ADGRL3: variants seen among roughly 807,000 people sequenced by gnomAD.
ADGRL3 encodes adhesion G protein-coupled receptor L3, also known as calcium-independent alpha-latrotoxin receptor 3.
In ADGRL3, 62 loss-of-function variants were observed where a neutral mutation model predicts 153.5. The ratio of observed to expected loss-of-function variants is 0.40; its 90% CI spans 0.33 to 0.50. ADGRL3 has a LOEUF of 0.50. ADGRL3 is among the 20% of genes least tolerant of loss of function. The probability of loss-of-function intolerance (pLI) is 0.47; values close to 1 mark genes in which losing one functional copy is unlikely to be tolerated. For synonymous variants in ADGRL3, 710 were observed against 672.5 expected (o/e 1.06, Z -0.86); for missense variants, 1,641 against 1,859.4 (o/e 0.88, Z 2.16).
intron 8 of ADGRL3, among the ~76,000 whole-genome samples, chr4:61,738,972 A>T (rs1340852055): frequency 3.3e-5 from 5 of 152,182 alleles, no homozygotes; most frequent in African/African-American, 1.2e-4. Flanking sequence ...TTTCTCTAAA[A>T]ACATTACTTT....
At chr4:61,527,700 A>G (rs2098577573) in intron 4 of ADGRL3, among the ~76,000 whole-genome samples, 1 of 152,180 alleles carries the variant, frequency 6.6e-6, no homozygotes, top group African/African-American at 2.4e-5. Flanking sequence ...TGAAAATTTC[A>G]AGTCTTGCTT....
At chr4:61,746,330 T>A (rs1356505094) in intron 8 of ADGRL3, among the ~76,000 whole-genome samples, 1 of 151,374 alleles carries the variant, frequency 6.6e-6, no homozygotes, top group East Asian at 1.9e-4. Context: ...TACCCAGGAA[T>A]TGAAGTCAGC....
intron 2 of ADGRL3, among the ~76,000 whole-genome samples, chr4:61,422,110 T>C (rs1005498392): frequency 1.3e-5 from 2 of 152,132 alleles, no homozygotes; most frequent in Non-Finnish European, 2.9e-5. Flanking sequence ...CCCAACAAAG[T>C]GAGAGACTGC....
rs780834415 is a variant in ADGRL3, at chr4:62,063,593, G to C, written c.3815-4573G>C. 3 of 698,266 alleles carry C rather than the reference G, an allele frequency of 4.3e-6. No individual in the cohort carries two copies. In the Admixed American group the frequency reaches 6.0e-5, roughly 14 times the overall value. 43.3% of individuals were successfully genotyped at this position (698,266 alleles called of 1,614,324 possible). A position where few individuals can be genotyped will look rare whatever the true frequency, so the allele number is the denominator to read the frequency against. ...ATAATACATTGCTTGGGGAACCGGCGGTCTGTAACAACCCTTCTGTCAGCA... is the reference window on the plus strand; with the variant it reads ...ATAATACATTGCTTGGGGAACCGGCCGTCTGTAACAACCCTTCTGTCAGCA... On this transcript the variant is annotated intron_variant, in intron 25 of 26. Coordinates refer to ENST00000683033, the MANE Select transcript of ADGRL3 (RefSeq NM_001387552.1).
intron 3 of ADGRL3, among the ~76,000 whole-genome samples, chr4:61,497,989 C>G (rs1318466022): frequency 6.6e-6 from 1 of 152,050 alleles, no homozygotes; most frequent in Non-Finnish European, 1.5e-5. Flanking sequence ...TTAATTATCT[C>G]ATTTATTGTG....
At chr4:61,629,366 C>G (rs2093016698) in intron 5 of ADGRL3, among the ~76,000 whole-genome samples, 1 of 151,822 alleles carries the variant, frequency 6.6e-6, no homozygotes, top group Admixed American at 6.6e-5. Context: ...CTTGTTTATT[C>G]AGGGCCATCA....
In ADGRL3 at chr4:61,556,880, T is replaced by A. The variant is rs76988746; in HGVS notation, c.260-30347T>A. The stretch of plus-strand genomic sequence containing the variant: ...GTGTGTTAACACAGGCCCTTCTTTT[T>A]AAAAGAAGATTAGACTCTGAATTTT... On this transcript the variant is annotated intron_variant, in intron 4 of 26. Transcript: ENST00000683033. Among the ~76,000 whole-genome samples the A allele has an allele frequency of 0.014, 2,147 of 152,240 alleles. 114 individuals are homozygous for A. The East Asian group carries it at 0.17, about 12-fold the overall frequency.
chr4:61,735,079 T>A (rs1337234732), intron 8 of ADGRL3, among the ~76,000 whole-genome samples: 2 of 151,912 alleles, frequency 1.3e-5, no homozygotes, highest in African/African-American at 4.9e-5. Context: ...AGATTCTAAG[T>A]TTTTTATGGC....
At chr4:61,600,775 C>T (rs542219762) in intron 5 of ADGRL3, among the ~76,000 whole-genome samples, 1 of 152,066 alleles carries the variant, frequency 6.6e-6, no homozygotes. Flanking sequence ...TTAAAGAACA[C>T]CTGTCTCAAA....
chr4:61,618,199 A>G (rs1031230488), intron 5 of ADGRL3, among the ~76,000 whole-genome samples: 2 of 152,198 alleles, frequency 1.3e-5, no homozygotes, highest in Admixed American at 6.5e-5. Flanking sequence ...GTGGGTATGA[A>G]TGTTTTCTAA....
chr4:61,731,112 C>T (rs1229516942), intron 7 of ADGRL3, among the ~76,000 whole-genome samples: 1 of 151,854 alleles, frequency 6.6e-6, no homozygotes, highest in Non-Finnish European at 1.5e-5. Context: ...GATACTTATC[C>T]TTTATAATTA....
chr4:61,261,136 C>T (rs1200148936), intron 1 of ADGRL3, among the ~76,000 whole-genome samples: 2 of 151,386 alleles, frequency 1.3e-5, no homozygotes, highest in East Asian at 3.9e-4. Context: ...GTAGCTGGGA[C>T]TACAAGCATC....
chr4:61,656,216 T>G (rs1177361364), intron 5 of ADGRL3, among the ~76,000 whole-genome samples: 1 of 152,212 alleles, frequency 6.6e-6, no homozygotes, highest in Non-Finnish European at 1.5e-5. Context: ...TTTGGTGCTA[T>G]CACATATTTG....
intron 2 of ADGRL3, among the ~76,000 whole-genome samples, chr4:61,473,048 G>C (rs1385133971): frequency 6.6e-6 from 1 of 152,098 alleles, no homozygotes; most frequent in East Asian, 1.9e-4. Flanking sequence ...TTGACAATAA[G>C]TCCACTGGGG....
At chr4:61,601,331 C>T (rs1052870540) in intron 5 of ADGRL3, among the ~76,000 whole-genome samples, 5 of 152,064 alleles carry the variant, frequency 3.3e-5, no homozygotes, top group African/African-American at 9.7e-5. Context: ...TTCTACCATT[C>T]GACCAGTTTT....
At chr4:61,530,815 G>A (rs1042431567) in intron 4 of ADGRL3, among the ~76,000 whole-genome samples, 2 of 152,118 alleles carry the variant, frequency 1.3e-5, no homozygotes, top group Admixed American at 6.5e-5. Context: ...TGTATTTTTG[G>A]CAGTTTACGG....
intron 4 of ADGRL3, among the ~76,000 whole-genome samples, chr4:61,585,297 C>T (rs538728762): frequency 6.6e-6 from 1 of 151,990 alleles, no homozygotes; most frequent in Non-Finnish European, 1.5e-5. Context: ...TACAGTCCTA[C>T]TTTTTCAAAA....
chr4:61,742,050 A>C (rs547462106), intron 8 of ADGRL3, among the ~76,000 whole-genome samples: 94 of 152,282 alleles, frequency 6.2e-4, no homozygotes, highest in African/African-American at 2.1e-3. Flanking sequence ...TGGAACTGGA[A>C]TAGTGTTGTT....
At chr4:61,931,302 A>G (rs149764263) in intron 13 of ADGRL3, among the ~76,000 whole-genome samples, 49 of 152,308 alleles carry the variant, frequency 3.2e-4, no homozygotes, top group African/African-American at 1.1e-3. Context: ...CCAGATTTCA[A>G]TTCAGTGTGG....
Sources: allele counts gnomAD v4.1 joint callset (sites outside exome capture counted in the v4.1 genomes callset), GRCh38; gene constraint gnomAD v4.1.1; transcripts MANE v1.5; gene names NCBI Gene and HGNC (gene_info 2026-07-23, HGNC 2026-07-21).